SHISA9: variants seen among roughly 807,000 people sequenced by gnomAD.
SHISA9 encodes protein shisa-9.
A neutral mutation model predicts 38.0 loss-of-function variants in SHISA9; 13 were observed. The ratio of observed to expected loss-of-function variants is 0.34; its 90% CI spans 0.22 to 0.54. The LOEUF (loss-of-function observed/expected upper bound fraction) is 0.54. Ranked by LOEUF, SHISA9 falls within the 20% of genes least tolerant of loss-of-function variation. The pLI is 0.91. For missense variants in SHISA9, 538 were observed against 575.8 expected (o/e 0.93, Z 0.67); for synonymous variants, 275 against 242.0 (o/e 1.14, Z -1.27).
At chr16:13,112,911 T>C (rs887798655) in intron 2 of SHISA9, among the ~76,000 whole-genome samples, 1 of 151,784 alleles carries the variant, frequency 6.6e-6, no homozygotes, top group Non-Finnish European at 1.5e-5. Flanking sequence ...TTGCAGGCAA[T>C]AGAGTAAAAA....
In SHISA9 at chr16:13,237,667, A is replaced by AG. The variant is rs2051399127; in HGVS notation, c.*2258_*2259insG. ...GTGAGACTATCTCAAAAAAAAAAAAAAAAAGAAAAAAAAAGAGATCTTTCA... is the reference window on the plus strand; with the variant it reads ...GTGAGACTATCTCAAAAAAAAAAAAAGAAAAGAAAAAAAAAGAGATCTTTCA... On this transcript the variant is annotated 3_prime_UTR_variant, in exon 5 of 5. Coordinates refer to ENST00000558583, the MANE Select transcript of SHISA9 (RefSeq NM_001145204.3). The AG allele has an allele frequency of 6.6e-6, 1 of 151,084 alleles. No homozygotes were observed. The highest frequency in any genetic ancestry group is 1.5e-5 in the Non-Finnish European group (1 of 67,576). 9.4% of individuals were successfully genotyped at this position (151,084 alleles called of 1,614,324 possible).
the SHISA9 span, among the ~76,000 whole-genome samples, chr16:13,368,667 A>T: frequency 6.6e-6 from 1 of 152,118 alleles, no homozygotes; most frequent in Admixed American, 6.6e-5. Flanking sequence ...GAGGGTAGAA[A>T]AAAACAGGCT....
intron 2 of SHISA9, among the ~76,000 whole-genome samples, chr16:13,100,481 CTTGGGTCTGAATGTCCCTT>C (rs2073867714): frequency 6.6e-6 from 1 of 152,130 alleles, no homozygotes; most frequent in Admixed American, 6.5e-5. Flanking sequence ...TTGCACAGGA[CTTGGGTCTGAATGTCCCTT>C]TTTGCTCCTA....
intron 2 of SHISA9, among the ~76,000 whole-genome samples, chr16:12,923,769 A>C (rs570193178): frequency 1.4e-4 from 21 of 151,956 alleles, no homozygotes; most frequent in African/African-American, 5.1e-4. Flanking sequence ...TGAATCTGGG[A>C]GGCGGAGCTT....
intron 2 of SHISA9, among the ~76,000 whole-genome samples, chr16:13,081,764 A>T (rs941444848): frequency 6.6e-6 from 1 of 151,360 alleles, no homozygotes; most frequent in African/African-American, 2.4e-5. Context: ...GAGGCAGAGA[A>T]CTGCTTGAAC....
At chr16:13,514,661 T>TA in the SHISA9 span, among the ~76,000 whole-genome samples, 7 of 152,042 alleles carry the variant, frequency 4.6e-5, no homozygotes, top group African/African-American at 1.4e-4. Context: ...AAAGAAAGAA[T>TA]AAAAGCAAAA....
At chr16:13,482,845 C>T in the SHISA9 span, among the ~76,000 whole-genome samples, 11 of 150,902 alleles carry the variant, frequency 7.3e-5, no homozygotes, top group Non-Finnish European at 1.0e-4. Flanking sequence ...CCAAGGTCAC[C>T]GAGTCAGTAG....
chr16:13,450,667 A>G, the SHISA9 span, among the ~76,000 whole-genome samples: 67,058 of 152,096 alleles, frequency 0.44, 15,689 homozygotes, highest in African/African-American at 0.56. Context: ...CTCCAATTTT[A>G]CAAGACAGAA....
the SHISA9 span, among the ~76,000 whole-genome samples, chr16:13,369,617 C>T: frequency 9.9e-5 from 15 of 152,020 alleles, no homozygotes; most frequent in East Asian, 7.8e-4. Flanking sequence ...TGCCGCTTCT[C>T]GGTGTCCACT....
At chr16:12,936,330 G>C (rs1020626558) in intron 2 of SHISA9, among the ~76,000 whole-genome samples, 1 of 152,140 alleles carries the variant, frequency 6.6e-6, no homozygotes, top group Non-Finnish European at 1.5e-5. Context: ...AATTTTCTAG[G>C]TTTCCATGGC....
At chr16:13,246,039 C>T in the SHISA9 span, among the ~76,000 whole-genome samples, 2 of 152,154 alleles carry the variant, frequency 1.3e-5, no homozygotes, top group African/African-American at 4.8e-5. Context: ...CAGAAATTGT[C>T]AGATTCTAGT....
chr16:13,284,176 T>A, the SHISA9 span, among the ~76,000 whole-genome samples: 1 of 152,332 alleles, frequency 6.6e-6, no homozygotes, highest in South Asian at 2.1e-4. Context: ...GTTTTCTGCA[T>A]CACACTGGAG....
At chr16:13,137,895 T>C (rs2050364133) in intron 2 of SHISA9, among the ~76,000 whole-genome samples, 2 of 152,188 alleles carry the variant, frequency 1.3e-5, no homozygotes, top group South Asian at 4.1e-4. Context: ...ATTTTCTCAC[T>C]CTGTTTTCAT....
the SHISA9 span, among the ~76,000 whole-genome samples, chr16:13,542,598 C>T: frequency 6.6e-6 from 1 of 152,128 alleles, no homozygotes; most frequent in Non-Finnish European, 1.5e-5. Context: ...GTATGCCCCC[C>T]CCTACTCTAT....
chr16:13,119,356 A>C (rs550925627), intron 2 of SHISA9, among the ~76,000 whole-genome samples: 3 of 152,188 alleles, frequency 2.0e-5, no homozygotes, highest in Admixed American at 6.5e-5. Context: ...ATAACTCATC[A>C]TACAATTTCA....
At chr16:13,200,986 T>C (rs1596726439) in intron 2 of SHISA9, among the ~76,000 whole-genome samples, 1 of 135,114 alleles carries the variant, frequency 7.4e-6, no homozygotes, top group South Asian at 2.3e-4. Flanking sequence ...TTCAGATGCA[T>C]GTGACTTTGA....
chr16:13,558,078 A>C, the SHISA9 span, among the ~76,000 whole-genome samples: 2 of 152,302 alleles, frequency 1.3e-5, no homozygotes, highest in Admixed American at 1.3e-4. Flanking sequence ...AGTTGAAAAG[A>C]ATAAAATATA....
chr16:13,190,259 T>G (rs1370266541), intron 2 of SHISA9, among the ~76,000 whole-genome samples: 1 of 120,528 alleles, frequency 8.3e-6, no homozygotes, highest in Non-Finnish European at 1.6e-5. Context: ...GTCCCCAGAG[T>G]GTGATATTCC....
At chr16:13,488,847 C>T in the SHISA9 span, among the ~76,000 whole-genome samples, 10 of 152,190 alleles carry the variant, frequency 6.6e-5, no homozygotes, top group South Asian at 1.2e-3. Flanking sequence ...CTGCAAGCTC[C>T]GCCTCCCGGG....
Sources: gnomAD v4.1 joint callset for allele counts (sites outside exome capture counted in the v4.1 genomes callset) on GRCh38, gnomAD v4.1.1 for gene constraint, MANE v1.5 for transcripts, NCBI Gene and HGNC (gene_info 2026-07-23, HGNC 2026-07-21) for gene names.